Variants in NEK1 observed in about 807,000 individuals in gnomAD.
The protein encoded by NEK1 is serine/threonine-protein kinase Nek1.
Under a neutral mutation model 182.1 loss-of-function variants are expected in NEK1, and 137 were observed. The ratio of observed to expected loss-of-function variants is 0.75; its 90% CI spans 0.65 to 0.87. The LOEUF (loss-of-function observed/expected upper bound fraction) is 0.87, where lower values mean the gene tolerates loss of function less well. Ranked by LOEUF, NEK1 falls within the 40% of genes least tolerant of loss-of-function variation. NEK1 has a pLI of 0.00. For synonymous variants in NEK1, 513 were observed against 492.2 expected (o/e 1.04, Z -0.56); for missense variants, 1,391 against 1,494.4 (o/e 0.93, Z 1.14).
In NEK1 at chr4:169,412,075, GTC is replaced by G; in HGVS notation, c.3223-5330_3223-5329del. ...ATGGCTCCATGAGCAGAGGATTTTT[GTC>G]TGTTTTCCTCACTACTGTTAACTCT... On this transcript the variant is annotated intron_variant, in intron 31 of 35. Transcript: ENST00000507142. Among the ~76,000 whole-genome samples the G allele has an allele frequency of 2.0e-5, 3 of 152,198 alleles. 1 individual carries two copies. In the South Asian group the frequency reaches 6.2e-4, roughly 32 times the overall value.
intron 18 of NEK1, among the ~76,000 whole-genome samples, chr4:169,542,651 TC>T (rs879769929): frequency 1.3e-4 from 20 of 152,018 alleles, no homozygotes; most frequent in Admixed American, 7.2e-4. Context: ...CTCTACATCC[TC>T]TCCAGCATCT....
At chr4:169,400,789 A>G (rs1261874988) in intron 33 of NEK1, 138 bp from the exon 34 acceptor site, 1 of 593,020 alleles carries the variant, frequency 1.7e-6, no homozygotes. Context: ...AGTTTTTGTC[A>G]TTTTAATATT....
chr4:169,581,033 AG>A, intron 10 of NEK1, 131 bp from the exon 11 acceptor site: 2 of 230,990 alleles, frequency 8.7e-6, no homozygotes, highest in East Asian at 8.8e-5. Context: ...ACTAAAACCA[AG>A]TTGTTAAAAA....
At chr4:169,484,541 A>G (rs1039857909) in intron 23 of NEK1, among the ~76,000 whole-genome samples, 7 of 152,260 alleles carry the variant, frequency 4.6e-5, no homozygotes, top group African/African-American at 1.7e-4. Context: ...AAAAAAGAAC[A>G]CATAAATCAA....
chr4:169,521,081 C>A (rs1214801075), intron 19 of NEK1, among the ~76,000 whole-genome samples: 16 of 85,632 alleles, frequency 1.9e-4, no homozygotes, highest in African/African-American at 6.9e-4. Context: ...CAAGCCTGGG[C>A]AATGGCGGGC....
chr4:169,494,285 T>C (rs1409027506), intron 23 of NEK1, among the ~76,000 whole-genome samples: 1 of 152,106 alleles, frequency 6.6e-6, no homozygotes, highest in Non-Finnish European at 1.5e-5. Context: ...TGTGTGATGT[T>C]CCCCTTCCTG....
chr4:169,418,726 A>T (rs1429473489), intron 31 of NEK1, among the ~76,000 whole-genome samples: 1 of 152,206 alleles, frequency 6.6e-6, no homozygotes, highest in African/African-American at 2.4e-5. Context: ...CTGAAAACAA[A>T]ATGAACATAA....
intron 30 of NEK1, 27 bp from the exon 31 acceptor site, chr4:169,424,827 G>T: frequency 6.3e-7 from 1 of 1,590,258 alleles, no homozygotes. Flanking sequence ...AGATTATGTG[G>T]TAAGTCTATA....
At chr4:169,608,116 TACACACAC>T (rs57287742) in intron 2 of NEK1, among the ~76,000 whole-genome samples, 22 of 148,108 alleles carry the variant, frequency 1.5e-4, no homozygotes, top group African/African-American at 5.0e-4. Context: ...CACACACACA[TACACACAC>T]ACACACACAC....
intron 27 of NEK1, among the ~76,000 whole-genome samples, chr4:169,453,220 G>A (rs1742174296): frequency 6.6e-6 from 1 of 152,190 alleles, no homozygotes; most frequent in Non-Finnish European, 1.5e-5. Context: ...TCAATATCGT[G>A]AAAATGGACA....
intron 16 of NEK1, among the ~76,000 whole-genome samples, chr4:169,559,869 C>T (rs561584192): frequency 1.3e-5 from 2 of 151,976 alleles, no homozygotes; most frequent in South Asian, 2.1e-4. Context: ...ATTAGCTGGG[C>T]GTGGTGGTGC....
intron 19 of NEK1, among the ~76,000 whole-genome samples, chr4:169,522,672 C>T (rs920227318): frequency 6.6e-5 from 10 of 152,264 alleles, no homozygotes; most frequent in South Asian, 2.1e-4. Context: ...TCTGGGCTAC[C>T]GGCTGTTGCT....
intron 27 of NEK1, among the ~76,000 whole-genome samples, chr4:169,451,469 A>T (rs1456878752): frequency 6.6e-6 from 1 of 152,224 alleles, no homozygotes; most frequent in Non-Finnish European, 1.5e-5. Flanking sequence ...ATTAGAACTC[A>T]GGATTAAGAA....
Position 169,602,653 on chromosome 4 carries a change from T to C in NEK1, c.-23A>G. ...CATGATTCTTTTTCTAAGGCATCTTTACAGATATGCTAGACATTTAAAAAA... is the reference window on the plus strand; with the variant it reads ...CATGATTCTTTTTCTAAGGCATCTTCACAGATATGCTAGACATTTAAAAAA... On this transcript the variant is annotated 5_prime_UTR_variant, in exon 3 of 36. Transcript: ENST00000507142. 1 of 1,263,210 alleles carries C rather than the reference T, an allele frequency of 7.9e-7. No individual in the cohort carries two copies. The highest frequency in any genetic ancestry group is 1.2e-6 in the Non-Finnish European group (1 of 863,694). The allele number at this position is 1,263,210 out of a possible 1,614,324, so 78.3% of individuals were successfully genotyped here. A position where few individuals can be genotyped will look rare whatever the true frequency, so the allele number is the denominator to read the frequency against.
chr4:169,492,532 C>T (rs1750305441), intron 23 of NEK1, among the ~76,000 whole-genome samples: 1 of 152,168 alleles, frequency 6.6e-6, no homozygotes, highest in Non-Finnish European at 1.5e-5. Context: ...GCCAGGGCAA[C>T]ACTATCGGTG....
chr4:169,549,566 GCATGCGCCAC>G (rs1017409940), intron 18 of NEK1, among the ~76,000 whole-genome samples: 11 of 152,092 alleles, frequency 7.2e-5, no homozygotes, highest in Non-Finnish European at 1.6e-4. Flanking sequence ...GGGATTACAG[GCATGCGCCAC>G]CATGCCTGGC....
At chr4:169,548,942 C>T (rs1760978819) in intron 18 of NEK1, among the ~76,000 whole-genome samples, 1 of 152,242 alleles carries the variant, frequency 6.6e-6, no homozygotes, top group Non-Finnish European at 1.5e-5. Context: ...GACCACTTGG[C>T]TGCCTGGCCT....
At chr4:169,501,613 C>T (rs1354899914) in intron 23 of NEK1, among the ~76,000 whole-genome samples, 1 of 152,060 alleles carries the variant, frequency 6.6e-6, no homozygotes, top group East Asian at 1.9e-4. Context: ...CAAAGCCACA[C>T]AAATACATGG....
intron 31 of NEK1, among the ~76,000 whole-genome samples, chr4:169,408,942 T>A (rs1733131373): frequency 6.6e-6 from 1 of 152,150 alleles, no homozygotes. Flanking sequence ...TGGGTGTGTG[T>A]GTGTCTTTTT....
Sources: allele counts gnomAD v4.1 joint callset (sites outside exome capture counted in the v4.1 genomes callset), GRCh38; gene constraint gnomAD v4.1.1; transcripts MANE v1.5; gene names NCBI Gene and HGNC (gene_info 2026-07-23, HGNC 2026-07-21).